NEDD4: variants seen among roughly 807,000 people sequenced by gnomAD.
The protein encoded by NEDD4 is NEDD4 E3 ubiquitin protein ligase, also known as E3 ubiquitin-protein ligase NEDD4.
Under a neutral mutation model 144.9 loss-of-function variants are expected in NEDD4, and 99 were observed. The ratio of observed to expected loss-of-function variants is 0.68; its 90% confidence interval spans 0.58 to 0.81. The LOEUF (loss-of-function observed/expected upper bound fraction) is 0.81, where lower values mean the gene tolerates loss of function less well. Ranked by LOEUF, NEDD4 falls within the 30% of genes least tolerant of loss-of-function variation. NEDD4 has a pLI of 0.00. For missense variants in NEDD4, 985 were observed against 1,065.9 expected (o/e 0.92, Z 1.06); for synonymous variants, 318 against 350.6 (o/e 0.91, Z 1.04).
intron 1 of NEDD4, among the ~76,000 whole-genome samples, chr15:55,992,898 T>C (rs1202212822): frequency 1.3e-5 from 2 of 152,148 alleles, no homozygotes; most frequent in Non-Finnish European, 2.9e-5. Context: ...ACCGGTGAAA[T>C]AAAGCATGAA....
intron 18 of NEDD4, among the ~76,000 whole-genome samples, chr15:55,842,881 G>A (rs2033577654): frequency 6.6e-6 from 1 of 152,120 alleles, no homozygotes; most frequent in Non-Finnish European, 1.5e-5. Flanking sequence ...AACAGATGGT[G>A]ACATTTACAG....
At chr15:55,856,573 G>C (rs913388555) in intron 11 of NEDD4, among the ~76,000 whole-genome samples, 1 of 149,138 alleles carries the variant, frequency 6.7e-6, no homozygotes, top group Non-Finnish European at 1.5e-5. Context: ...CCCGTTGCAA[G>C]TCTTACTTCC....
chr15:55,906,163 A>T (rs1416943237), intron 5 of NEDD4, among the ~76,000 whole-genome samples: 5 of 152,162 alleles, frequency 3.3e-5, no homozygotes, highest in Non-Finnish European at 7.3e-5. Flanking sequence ...GAGAAATAGG[A>T]ACACTTTTAC....
intron 5 of NEDD4, among the ~76,000 whole-genome samples, chr15:55,907,369 T>C (rs2036134913): frequency 1.3e-5 from 2 of 152,130 alleles, no homozygotes; most frequent in East Asian, 1.9e-4. Context: ...AGTAATTAAA[T>C]CATATGGGCA....
At chr15:55,954,275 TC>T (rs1477447029) in intron 2 of NEDD4, among the ~76,000 whole-genome samples, 1 of 152,174 alleles carries the variant, frequency 6.6e-6, no homozygotes, top group African/African-American at 2.4e-5. Flanking sequence ...CTCGAACTGT[TC>T]CTTCGGTGGC....
chr15:55,944,810 T>C (rs2037079091), intron 4 of NEDD4, among the ~76,000 whole-genome samples: 1 of 152,106 alleles, frequency 6.6e-6, no homozygotes, highest in African/African-American at 2.4e-5. Flanking sequence ...GGCAGCAATA[T>C]TTGCTGTTTT....
chr15:55,890,081 T>C (rs1230969226), intron 5 of NEDD4, among the ~76,000 whole-genome samples: 3 of 152,174 alleles, frequency 2.0e-5, no homozygotes, highest in African/African-American at 7.2e-5. Flanking sequence ...AGGGGATGGA[T>C]ACCCCATTTA....
chr15:55,881,290 C>T (rs531287616), intron 5 of NEDD4, among the ~76,000 whole-genome samples: 4 of 151,988 alleles, frequency 2.6e-5, no homozygotes, highest in East Asian at 1.9e-4. Context: ...TACAGGCACA[C>T]GCCACCACTC....
chr15:55,933,072 A>C (rs914380387), intron 4 of NEDD4, among the ~76,000 whole-genome samples: 1 of 152,206 alleles, frequency 6.6e-6, no homozygotes, highest in Admixed American at 6.5e-5. Flanking sequence ...ACACTTTTAC[A>C]CTGTTGGTGG....
chr15:55,968,425 TATC>T (rs1361302023), intron 1 of NEDD4, among the ~76,000 whole-genome samples: 1 of 152,012 alleles, frequency 6.6e-6, no homozygotes, highest in Non-Finnish European at 1.5e-5. Context: ...TGAGAAAAAA[TATC>T]ATGTGCAAAA....
chr15:55,893,461 A>G (rs1241420197), intron 5 of NEDD4, among the ~76,000 whole-genome samples: 2 of 152,010 alleles, frequency 1.3e-5, no homozygotes. Context: ...ACAATTAAAA[A>G]CTTAAAGTTT....
chr15:55,858,586 C>T (rs1169244322), intron 11 of NEDD4, among the ~76,000 whole-genome samples: 16 of 152,172 alleles, frequency 1.1e-4, no homozygotes, highest in African/African-American at 3.6e-4. Context: ...GGATTACAGG[C>T]GTGAGCCACC....
At chr15:55,980,249 T>C (rs2037776347) in intron 1 of NEDD4, among the ~76,000 whole-genome samples, 2 of 152,184 alleles carry the variant, frequency 1.3e-5, no homozygotes, top group Non-Finnish European at 2.9e-5. Context: ...TCATTAACTT[T>C]ATACCCCTCT....
At chr15:55,869,917 C>G (rs934230451) in intron 7 of NEDD4, among the ~76,000 whole-genome samples, 3 of 144,242 alleles carry the variant, frequency 2.1e-5, no homozygotes, top group Non-Finnish European at 4.6e-5. Flanking sequence ...AAAGAAGATG[C>G]TAAGGAAGTT....
chr15:55,933,471 T>G (rs920188351), intron 4 of NEDD4, among the ~76,000 whole-genome samples: 2 of 139,052 alleles, frequency 1.4e-5, no homozygotes, highest in East Asian at 2.2e-4. Context: ...CAGGTGGGAA[T>G]TGAATAATGA....
intron 5 of NEDD4, among the ~76,000 whole-genome samples, chr15:55,914,640 C>T (rs2036377936): frequency 6.6e-6 from 1 of 151,812 alleles, no homozygotes; most frequent in Non-Finnish European, 1.5e-5. Flanking sequence ...AGGGTGGAAA[C>T]AAAATTCCTG....
chr15:55,840,349 A>G (rs2033446783), intron 21 of NEDD4, 98 bp downstream of exon 21: 2 of 1,008,220 alleles, frequency 2.0e-6, no homozygotes, highest in Admixed American at 5.8e-5. Flanking sequence ...AAACATGATA[A>G]TATATTAATT....
intron 24 of NEDD4, among the ~76,000 whole-genome samples, chr15:55,836,137 C>G (rs1318611688): frequency 6.6e-6 from 1 of 152,256 alleles, no homozygotes; most frequent in African/African-American, 2.4e-5. Flanking sequence ...GCCAATCCCT[C>G]TAGTCCTTCT....
At chr15:55,970,442 C>T (rs182619379) in intron 1 of NEDD4, among the ~76,000 whole-genome samples, 306 of 152,248 alleles carry the variant, frequency 2.0e-3, no homozygotes, top group African/African-American at 7.0e-3. Context: ...AGGAAATAGT[C>T]ACCACAAGCC....
Sources: allele counts gnomAD v4.1 joint callset (sites outside exome capture counted in the v4.1 genomes callset), GRCh38; gene constraint gnomAD v4.1.1; transcripts MANE v1.5; gene names NCBI Gene and HGNC (gene_info 2026-07-23, HGNC 2026-07-21).